The following SNTG1 variants were observed in gnomAD, a reference collection of about 807,000 sequenced individuals.
The protein encoded by SNTG1 is gamma-1-syntrophin.
SNTG1 carries 39 observed loss-of-function variants against 74.7 expected under a neutral mutation model. That is an observed-to-expected ratio of 0.52 (90% CI 0.40 to 0.68). The LOEUF (loss-of-function observed/expected upper bound fraction) is 0.68, where lower values mean the gene tolerates loss of function less well. Ranked by LOEUF, SNTG1 falls within the 30% of genes least tolerant of loss-of-function variation. SNTG1 has a pLI of 0.00. For synonymous variants in SNTG1, 254 were observed against 217.1 expected (o/e 1.17, Z -1.49); for missense variants, 685 against 609.5 (o/e 1.12, Z -1.30).
rs573009670 is a variant in SNTG1 at position 50,191,623 on chromosome 8, A to G, written c.-28+18988A>G. On this transcript the variant is annotated intron_variant, in intron 2 of 18. Transcript: ENST00000642720. ...TATGCAGAACATACAGGTTTGTTACATAGGTATACACGTGCCATGCTGGTT... is the reference window on the plus strand; with the variant it reads ...TATGCAGAACATACAGGTTTGTTACGTAGGTATACACGTGCCATGCTGGTT... Among the ~76,000 whole-genome samples the G allele has an allele frequency of 3.3e-5, 5 of 152,256 alleles. No homozygotes were observed. In the East Asian group the frequency reaches 7.7e-4, roughly 24 times the overall value.
intron 1 of SNTG1, among the ~76,000 whole-genome samples, chr8:50,083,580 A>G (rs1436836500): frequency 1.3e-5 from 2 of 152,212 alleles, no homozygotes; most frequent in Admixed American, 6.6e-5. Flanking sequence ...ATTTTATATA[A>G]AGCAAAATAT....
rs568885509 is a variant in SNTG1, at chr8:50,508,831, G to A, written c.466+5951G>A. On this transcript the variant is annotated intron_variant, in intron 9 of 18. Coordinates refer to ENST00000642720, the MANE Select transcript of SNTG1 (RefSeq NM_018967.5). ...GATTCTGGATATTAGCCCTTTTTCA[G>A]ATAAGTAGATTGCAAAAATTTTCTC... Among the ~76,000 whole-genome samples, 12 of 151,870 alleles carry A rather than the reference G, an allele frequency of 7.9e-5. No homozygotes were observed. In the South Asian group the frequency reaches 1.2e-3, roughly 16 times the overall value.
intron 4 of SNTG1, among the ~76,000 whole-genome samples, chr8:50,420,822 C>G (rs904771064): frequency 1.2e-4 from 18 of 151,660 alleles, no homozygotes; most frequent in African/African-American, 4.3e-4. Flanking sequence ...GCCAAGAGAT[C>G]AAGACCATCT....
intron 2 of SNTG1, among the ~76,000 whole-genome samples, chr8:50,353,156 C>CA (rs962527916): frequency 3.4e-5 from 5 of 147,914 alleles, no homozygotes; most frequent in African/African-American, 1.0e-4. Context: ...ATCGCAAGGA[C>CA]AAAAAACCAA....
At chr8:50,400,826 T>C (rs1172018056) in intron 3 of SNTG1, among the ~76,000 whole-genome samples, 1 of 152,106 alleles carries the variant, frequency 6.6e-6, no homozygotes, top group Admixed American at 6.5e-5. Context: ...CGGGAGATGT[T>C]GGAGAACAGG....
intron 2 of SNTG1, among the ~76,000 whole-genome samples, chr8:50,380,161 A>T (rs1190535924): frequency 6.6e-6 from 1 of 152,234 alleles, no homozygotes; most frequent in African/African-American, 2.4e-5. Context: ...TAACTAACAT[A>T]AAAAGGTTAA....
intron 2 of SNTG1, among the ~76,000 whole-genome samples, chr8:50,251,195 A>T (rs73577275): frequency 0.02 from 3,053 of 152,138 alleles, 110 homozygotes; most frequent in African/African-American, 0.068. Flanking sequence ...CCTTATGGTA[A>T]CCAAACACAC....
At chr8:50,379,130 G>A (rs1424266373) in intron 2 of SNTG1, among the ~76,000 whole-genome samples, 1 of 152,214 alleles carries the variant, frequency 6.6e-6, no homozygotes, top group African/African-American at 2.4e-5. Context: ...TTCTGTGCTA[G>A]TTGGTGCCCC....
chr8:50,656,638 T>C (rs2131267594), intron 13 of SNTG1, among the ~76,000 whole-genome samples: 1 of 152,282 alleles, frequency 6.6e-6, no homozygotes, highest in Middle Eastern at 3.4e-3. Context: ...GTGGGAAATA[T>C]AATCCATGGC....
Position 50,449,715 on chromosome 8 carries a change from G to C in SNTG1, c.267G>C (p.Lys89Asn). 8 of 1,595,624 alleles carry C rather than the reference G, an allele frequency of 5.0e-6. No individual in the cohort carries two copies. Among genetic ancestry groups the C allele is most frequent in the Non-Finnish European group, 6.8e-6 (8 of 1,169,456 alleles). The change falls in exon 6 of 19, where the codon AAG becomes AAC. Residue 89 changes from lysine (K) to asparagine (N), a missense_variant. Physicochemically the swap from Lys to Asn is moderately conservative, Grantham distance 94. Coordinates refer to ENST00000642720, the MANE Select transcript of SNTG1 (RefSeq NM_018967.5). ...NIPVVVSKIS[K>N]EQRAELSGLL... ...CAGTTGTCGTTTCAAAAATCTCCAA[G>C]GAACAAAGAGGTAATATGTTTAGAG...
chr8:50,665,843 A>C (rs967850593), intron 15 of SNTG1, among the ~76,000 whole-genome samples: 1 of 152,182 alleles, frequency 6.6e-6, no homozygotes, highest in Admixed American at 6.6e-5. Context: ...AAAATGTGAC[A>C]AGGGACAAAG....
chr8:49,990,132 G>T (rs2130294446), intron 1 of SNTG1, among the ~76,000 whole-genome samples: 1 of 151,714 alleles, frequency 6.6e-6, no homozygotes. Context: ...ATGAAAGAAA[G>T]AAATACAACT....
chr8:50,608,827 G>A (rs895985103), intron 13 of SNTG1, among the ~76,000 whole-genome samples: 4 of 151,836 alleles, frequency 2.6e-5, no homozygotes, highest in Admixed American at 6.6e-5. Context: ...TAGCTTCAAT[G>A]TAGTGCTTTA....
intron 1 of SNTG1, among the ~76,000 whole-genome samples, chr8:50,093,444 T>C (rs2079814456): frequency 6.6e-6 from 1 of 152,130 alleles, no homozygotes; most frequent in Admixed American, 6.6e-5. Flanking sequence ...GCAAAAGGGC[T>C]GGCATACTCA....
At chr8:50,647,722 GATA>G (rs1488515612) in intron 13 of SNTG1, among the ~76,000 whole-genome samples, 2 of 152,112 alleles carry the variant, frequency 1.3e-5, no homozygotes, top group Non-Finnish European at 2.9e-5. Context: ...CATGTTTTGT[GATA>G]ATGATACATT....
At chr8:49,918,331 C>T (rs1253610927) in intron 1 of SNTG1, among the ~76,000 whole-genome samples, 4 of 151,972 alleles carry the variant, frequency 2.6e-5, no homozygotes, top group Non-Finnish European at 5.9e-5. Context: ...TGTTTTATTC[C>T]AGCATCTTTT....
intron 13 of SNTG1, among the ~76,000 whole-genome samples, chr8:50,607,660 A>G (rs1048289269): frequency 6.6e-6 from 1 of 151,486 alleles, no homozygotes; most frequent in African/African-American, 2.4e-5. Flanking sequence ...ACCACATTTG[A>G]TTTCTGTGAC....
At chr8:50,135,762 A>G (rs542295877) in intron 1 of SNTG1, among the ~76,000 whole-genome samples, 2 of 152,082 alleles carry the variant, frequency 1.3e-5, no homozygotes, top group East Asian at 3.9e-4. Context: ...TGTATGTTTA[A>G]TTTTTTAAAT....
At chr8:50,457,869 A>T (rs932596257) in intron 8 of SNTG1, 3 of 152,278 alleles carry the variant, frequency 2.0e-5, no homozygotes, top group African/African-American at 4.8e-5. Flanking sequence ...AGCGAAAGGT[A>T]CATTCTGGGC....
Sources: allele counts gnomAD v4.1 joint callset (sites outside exome capture counted in the v4.1 genomes callset), GRCh38; gene constraint gnomAD v4.1.1; transcripts MANE v1.5; gene names NCBI Gene and HGNC (gene_info 2026-07-23, HGNC 2026-07-21).